The following COL24A1 variants were observed in gnomAD, a reference collection of about 807,000 sequenced individuals.
The protein encoded by COL24A1 is collagen alpha-1(XXIV) chain.
A neutral mutation model predicts 253.9 loss-of-function variants in COL24A1; 224 were observed. The ratio of observed to expected loss-of-function variants is 0.88; its 90% CI spans 0.79 to 0.99. COL24A1 has a LOEUF of 0.99. COL24A1 is among the 50% of genes least tolerant of loss of function. The probability of loss-of-function intolerance (pLI) is 0.00; values close to 1 mark genes in which losing one functional copy is unlikely to be tolerated. For synonymous variants in COL24A1, 685 were observed against 673.7 expected (o/e 1.02, Z -0.26); for missense variants, 2,131 against 2,068.5 (o/e 1.03, Z -0.59).
intron 24 of COL24A1, among the ~76,000 whole-genome samples, chr1:85,924,254 G>C (rs1416503860): frequency 1.3e-5 from 2 of 152,140 alleles, no homozygotes; most frequent in Non-Finnish European, 2.9e-5. Context: ...AAGAGGAGCT[G>C]ATACCATTCC....
intron 19 of COL24A1, among the ~76,000 whole-genome samples, chr1:86,001,211 G>GA (rs893301693): frequency 2.0e-5 from 3 of 152,096 alleles, no homozygotes; most frequent in Non-Finnish European, 4.4e-5. Context: ...ATTAAGAAGA[G>GA]AAAAAAATCT....
At chr1:86,131,083 G>A (rs2102307021) in intron 2 of COL24A1, among the ~76,000 whole-genome samples, 1 of 151,980 alleles carries the variant, frequency 6.6e-6, no homozygotes, top group East Asian at 1.9e-4. Context: ...TGCAGCTGCT[G>A]TTCCATGGTT....
chr1:86,060,562 T>C (rs1701011318), intron 8 of COL24A1, among the ~76,000 whole-genome samples: 1 of 152,156 alleles, frequency 6.6e-6, no homozygotes, highest in Non-Finnish European at 1.5e-5. Context: ...TTCTTCTCTC[T>C]ACTTTTTTCA....
At chr1:85,982,315 T>C (rs888024481) in intron 20 of COL24A1, among the ~76,000 whole-genome samples, 6 of 152,094 alleles carry the variant, frequency 3.9e-5, no homozygotes, top group African/African-American at 1.2e-4. Context: ...ATTTCAGTCA[T>C]GTAAAATGAG....
chr1:86,010,605 A>C (rs1424535495), intron 19 of COL24A1, among the ~76,000 whole-genome samples: 1 of 152,152 alleles, frequency 6.6e-6, no homozygotes, highest in Non-Finnish European at 1.5e-5. Context: ...CACCATGAAG[A>C]TACACCTCCA....
intron 24 of COL24A1, among the ~76,000 whole-genome samples, chr1:85,934,962 A>T (rs74965954): frequency 2.0e-5 from 3 of 152,086 alleles, no homozygotes; most frequent in Non-Finnish European, 4.4e-5. Context: ...TAAAAAAAAA[A>T]CACCAAGCAT....
At chr1:85,845,552 G>C (rs1452175892) in intron 39 of COL24A1, among the ~76,000 whole-genome samples, 1 of 151,850 alleles carries the variant, frequency 6.6e-6, no homozygotes, top group Non-Finnish European at 1.5e-5. Flanking sequence ...TGCTATAGTA[G>C]AAGTTCTAAT....
At chr1:85,989,853 A>G (rs920285682) in intron 19 of COL24A1, among the ~76,000 whole-genome samples, 4 of 152,152 alleles carry the variant, frequency 2.6e-5, no homozygotes, top group Non-Finnish European at 4.4e-5. Context: ...ACTGAATAAC[A>G]TTTTACTTGC....
Position 85,896,055 on chromosome 1 carries a change from C to T in COL24A1, c.2843G>A (p.Gly948Glu), listed in dbSNP as rs771255234. 1 of 1,612,782 alleles carries T rather than the reference C, an allele frequency of 6.2e-7. No individual in the cohort carries two copies. Among genetic ancestry groups the T allele is most frequent in the Non-Finnish European group, 8.5e-7 (1 of 1,179,522 alleles). Residue 948 changes from glycine to glutamate, a missense_variant, in exon 30 of 60, where the codon GGA (glycine) becomes GAA (glutamate). Gly to Glu is a moderately conservative substitution (Grantham distance 98, BLOSUM62 -2). Transcript: ENST00000370571. ...QGIQGAKGEK[G>E]DQGKRGPHGL... ...ATGAGGCCCTCTTTTTCCTTGATCT[C>T]CTTTTTCACCCTAACAAAGTATCAA...
At chr1:85,988,719 T>G (rs1231101937) in intron 19 of COL24A1, among the ~76,000 whole-genome samples, 2 of 152,002 alleles carry the variant, frequency 1.3e-5, no homozygotes, top group African/African-American at 4.8e-5. Context: ...AAATATGAAG[T>G]AAGATGGAAC....
intron 47 of COL24A1, among the ~76,000 whole-genome samples, chr1:85,793,179 C>T (rs1198306654): frequency 3.3e-5 from 5 of 151,798 alleles, no homozygotes; most frequent in African/African-American, 1.2e-4. Context: ...ATTATCCTTT[C>T]TAAGTAGATT....
intron 14 of COL24A1, among the ~76,000 whole-genome samples, chr1:86,028,521 C>T (rs555363225): frequency 1.2e-3 from 184 of 152,294 alleles, no homozygotes; most frequent in African/African-American, 4.2e-3. Flanking sequence ...CAGAAGGCAC[C>T]TGCTTTTCCT....
At chr1:86,156,219 G>T (rs894329670) in intron 1 of COL24A1, 122 bp downstream of exon 1, 2 of 807,534 alleles carry the variant, frequency 2.5e-6, no homozygotes, top group Non-Finnish European at 2.0e-6. Context: ...GTACTCGGCC[G>T]CTCCTAAAGC....
intron 53 of COL24A1, among the ~76,000 whole-genome samples, chr1:85,774,615 C>G (rs542282594): frequency 6.6e-6 from 1 of 152,008 alleles, no homozygotes; most frequent in Non-Finnish European, 1.5e-5. Flanking sequence ...TGTATGTGTC[C>G]AGGAATTTAT....
At chr1:85,896,688 C>T (rs1683777452) in intron 28 of COL24A1, among the ~76,000 whole-genome samples, 1 of 152,086 alleles carries the variant, frequency 6.6e-6, no homozygotes, top group African/African-American at 2.4e-5. Flanking sequence ...TTAGTACAGA[C>T]GGGGTTTCAC....
intron 47 of COL24A1, among the ~76,000 whole-genome samples, chr1:85,800,108 G>C (rs568216299): frequency 1.3e-5 from 2 of 152,256 alleles, no homozygotes; most frequent in East Asian, 3.9e-4. Context: ...GAATATGCAG[G>C]TTTTGTTGTC....
chr1:85,834,565 T>C (rs1675783866), intron 43 of COL24A1, among the ~76,000 whole-genome samples: 3 of 152,192 alleles, frequency 2.0e-5, no homozygotes, highest in African/African-American at 7.2e-5. Flanking sequence ...TGGGATTTAG[T>C]TATTTCATTG....
intron 5 of COL24A1, among the ~76,000 whole-genome samples, chr1:86,111,953 ACT>A (rs1557671052): frequency 6.6e-6 from 1 of 152,152 alleles, no homozygotes; most frequent in Non-Finnish European, 1.5e-5. Flanking sequence ...GAAGGAACAA[ACT>A]CTGGACACAC....
intron 20 of COL24A1, among the ~76,000 whole-genome samples, chr1:85,977,295 T>C (rs1571444198): frequency 6.6e-6 from 1 of 152,074 alleles, no homozygotes; most frequent in Admixed American, 6.6e-5. Context: ...GTAATTCTGG[T>C]AATATGACAA....
Sources: gnomAD v4.1 joint callset for allele counts (sites outside exome capture counted in the v4.1 genomes callset) on GRCh38, gnomAD v4.1.1 for gene constraint, MANE v1.5 for transcripts, NCBI Gene and HGNC (gene_info 2026-07-23, HGNC 2026-07-21) for gene names.